Variants in NCKAP5 observed in about 807,000 individuals in gnomAD.
NCKAP5 encodes nck-associated protein 5.
NCKAP5 carries 92 observed loss-of-function variants against 167.0 expected under a neutral mutation model. That is an observed-to-expected ratio of 0.55 (90% CI 0.47 to 0.66). The LOEUF is 0.66. Ranked by LOEUF, NCKAP5 falls within the 30% of genes least tolerant of loss-of-function variation. The pLI, the probability that NCKAP5 is intolerant of heterozygous loss-of-function variation, is 0.00. For missense variants in NCKAP5, 2,378 were observed against 2,315.0 expected (o/e 1.03, Z -0.56); for synonymous variants, 891 against 877.4 (o/e 1.02, Z -0.27).
At chr2:132,840,698 C>A (rs1688237252) in intron 11 of NCKAP5, among the ~76,000 whole-genome samples, 1 of 152,184 alleles carries the variant, frequency 6.6e-6, no homozygotes, top group Admixed American at 6.5e-5. Context: ...GTTAATACTG[C>A]ATCTTTACAC....
At chr2:132,860,793 G>T (rs1689841082) in intron 10 of NCKAP5, among the ~76,000 whole-genome samples, 182 bp from the exon 11 acceptor site, 1 of 152,102 alleles carries the variant, frequency 6.6e-6, no homozygotes, top group Non-Finnish European at 1.5e-5. Flanking sequence ...ATTATTATGT[G>T]CAAAGAAGAC....
At chr2:132,848,094 A>G (rs1688804043) in intron 11 of NCKAP5, among the ~76,000 whole-genome samples, 1 of 152,230 alleles carries the variant, frequency 6.6e-6, no homozygotes, top group African/African-American at 2.4e-5. Context: ...GTGTTTCAGC[A>G]GTCTGGTCAG....
chr2:133,094,318 C>T (rs926737857), intron 6 of NCKAP5, among the ~76,000 whole-genome samples: 4 of 152,058 alleles, frequency 2.6e-5, no homozygotes, highest in East Asian at 1.9e-4. Context: ...ATCAGGGAGC[C>T]GGAGGGTTTG....
intron 2 of NCKAP5, chr2:133,556,890 T>C (rs1446441062): frequency 6.6e-6 from 1 of 152,196 alleles, no homozygotes; most frequent in Non-Finnish European, 1.5e-5. Flanking sequence ...TCATTATTCA[T>C]AAATTCTTCC....
At chr2:132,703,741 A>G (rs1262124401) in intron 19 of NCKAP5, among the ~76,000 whole-genome samples, 1 of 152,212 alleles carries the variant, frequency 6.6e-6, no homozygotes, top group African/African-American at 2.4e-5. Flanking sequence ...CTTATTTTGT[A>G]TAAGTATTGT....
intron 3 of NCKAP5, among the ~76,000 whole-genome samples, chr2:133,387,541 G>A (rs1219649918): frequency 1.3e-5 from 2 of 152,148 alleles, no homozygotes; most frequent in African/African-American, 2.4e-5. Context: ...TGCTCTTCTC[G>A]AGGAGTATCT....
chr2:132,941,080 GT>G (rs1263487859), intron 8 of NCKAP5, among the ~76,000 whole-genome samples: 1 of 152,182 alleles, frequency 6.6e-6, no homozygotes, highest in African/African-American at 2.4e-5. Flanking sequence ...GTGAGTGAAA[GT>G]TGGCCAAGTC....
At chr2:133,633,000 G>T in the NCKAP5 span, among the ~76,000 whole-genome samples, 1 of 152,194 alleles carries the variant, frequency 6.6e-6, no homozygotes, top group African/African-American at 2.4e-5. Flanking sequence ...CAGAGCACCT[G>T]CCTTTTCCTT....
chr2:132,967,172 C>T (rs1019318519), intron 7 of NCKAP5, among the ~76,000 whole-genome samples: 3 of 146,180 alleles, frequency 2.1e-5, no homozygotes, highest in Non-Finnish European at 3.0e-5. Flanking sequence ...TACACACACA[C>T]ACACACACAC....
chr2:133,090,494 G>A (rs1179908525), intron 6 of NCKAP5, among the ~76,000 whole-genome samples: 1 of 152,060 alleles, frequency 6.6e-6, no homozygotes, highest in Non-Finnish European at 1.5e-5. Flanking sequence ...AGGATGGCTG[G>A]CAGCCACCAG....
At chr2:133,470,188 C>T (rs1216535926) in intron 3 of NCKAP5, among the ~76,000 whole-genome samples, 7 of 152,150 alleles carry the variant, frequency 4.6e-5, no homozygotes, top group African/African-American at 9.7e-5. Flanking sequence ...GATGGGTTTT[C>T]GATGTGGATG....
chr2:133,137,161 A>C (rs2082816902), intron 5 of NCKAP5, among the ~76,000 whole-genome samples: 1 of 152,210 alleles, frequency 6.6e-6, no homozygotes, highest in Admixed American at 6.5e-5. Context: ...TTCACCATAA[A>C]GCTCTCTGAA....
chr2:133,447,450 T>A (rs1290071231), intron 3 of NCKAP5, among the ~76,000 whole-genome samples: 1 of 150,976 alleles, frequency 6.6e-6, no homozygotes, highest in Non-Finnish European at 1.5e-5. Flanking sequence ...TTTTCTTCTC[T>A]CTCTCTCCTT....
chr2:133,254,102 CCT>C (rs930506038), intron 4 of NCKAP5, among the ~76,000 whole-genome samples: 2 of 152,106 alleles, frequency 1.3e-5, no homozygotes, highest in African/African-American at 4.8e-5. Context: ...CCCAATGACC[CCT>C]GTCTCCCAAT....
At chr2:133,333,558 T>C (rs1479178665) in intron 3 of NCKAP5, among the ~76,000 whole-genome samples, 2 of 152,182 alleles carry the variant, frequency 1.3e-5, no homozygotes, top group Non-Finnish European at 2.9e-5. Flanking sequence ...CTATCCACAT[T>C]AGCCACACTC....
At chr2:132,747,266 G>C (rs1333713061) in intron 16 of NCKAP5, among the ~76,000 whole-genome samples, 1 of 151,894 alleles carries the variant, frequency 6.6e-6, no homozygotes, top group African/African-American at 2.4e-5. Context: ...CTTTCCCCAG[G>C]GTACACGCTT....
At chr2:133,300,245 A>T (rs973895065) in intron 4 of NCKAP5, among the ~76,000 whole-genome samples, 2 of 130,250 alleles carry the variant, frequency 1.5e-5, no homozygotes, top group African/African-American at 3.3e-5. Context: ...TCCAATCAAT[A>T]GAAAAAGAGG....
chr2:133,662,900 A>G, the NCKAP5 span, among the ~76,000 whole-genome samples: 2 of 151,734 alleles, frequency 1.3e-5, no homozygotes, highest in Non-Finnish European at 2.9e-5. Context: ...ACACTATGCT[A>G]CAGTCTTTTA....
chr2:133,476,099 G>C (rs1313419161), intron 3 of NCKAP5, among the ~76,000 whole-genome samples: 1 of 152,168 alleles, frequency 6.6e-6, no homozygotes, highest in Non-Finnish European at 1.5e-5. Flanking sequence ...TCACAGTTCT[G>C]CATGTGATTT....
Sources: gnomAD v4.1 joint callset for allele counts (sites outside exome capture counted in the v4.1 genomes callset) on GRCh38, gnomAD v4.1.1 for gene constraint, MANE v1.5 for transcripts, NCBI Gene and HGNC (gene_info 2026-07-23, HGNC 2026-07-21) for gene names.